The following TNFRSF8 variants were observed in gnomAD, a reference collection of about 807,000 sequenced individuals.
TNFRSF8 encodes TNF receptor superfamily member 8, also known as tumor necrosis factor receptor superfamily member 8.
Under a neutral mutation model 70.8 loss-of-function variants are expected in TNFRSF8, and 26 were observed. The ratio of observed to expected loss-of-function variants is 0.37; its 90% confidence interval spans 0.27 to 0.51. TNFRSF8 has a LOEUF of 0.51. TNFRSF8 is among the 20% of genes least tolerant of loss of function. TNFRSF8 has a pLI of 0.94. For missense variants in TNFRSF8, 720 were observed against 807.9 expected (o/e 0.89, Z 1.32); for synonymous variants, 356 against 339.2 (o/e 1.05, Z -0.54).
intron 1 of TNFRSF8, among the ~76,000 whole-genome samples, chr1:12,078,973 C>A (rs137895259): frequency 6.6e-6 from 1 of 152,276 alleles, no homozygotes; most frequent in Non-Finnish European, 1.5e-5. Flanking sequence ...GCTGCTGGCC[C>A]GGGGCCTCAC....
Position 12,132,364 on chromosome 1 carries a change from C to T in TNFRSF8, c.1310-3224C>T, listed in dbSNP as rs138731609. ...GCCTTAGGCTACTCTGGCCTGTGGC[C>T]GTTTCTCAGATCTTGTTTCTCAAGA... On this transcript the variant is annotated intron_variant, in intron 12 of 14. Coordinates refer to ENST00000263932, the MANE Select transcript of TNFRSF8 (RefSeq NM_001243.5). 3.2e-3 allele frequency among the ~76,000 whole-genome samples: 489 copies of T among 152,358 alleles called. 2 individuals carry two copies. The highest frequency in any genetic ancestry group is 0.011 in the African/African-American group (470 of 41,586).
chr1:12,108,844 A>C lies in TNFRSF8; in HGVS notation c.422-722A>C, dbSNP rs1273426503. On this transcript the variant is annotated intron_variant, in intron 4 of 14. Transcript: ENST00000263932. The surrounding 1 kb of genome is among the most constrained non-coding windows in gnomAD (Gnocchi z 4.0). ...ATAAATAAACAAGTAAATAAAATGG[A>C]CTTTCCTGGCACAGTTAGGACATAG... Among the ~76,000 whole-genome samples the C allele has an allele frequency of 1.3e-5, 2 of 151,970 alleles. No individual in the cohort carries two copies. The highest frequency in any genetic ancestry group is 1.3e-4 in the Admixed American group (2 of 15,244).
chr1:12,143,043 C>T lies in TNFRSF8; in HGVS notation c.*512C>T, dbSNP rs976699732. 2 of 155,392 alleles carry T rather than the reference C, an allele frequency of 1.3e-5. No homozygotes were observed. Among genetic ancestry groups the T allele is most frequent in the Non-Finnish European group, 2.9e-5 (2 of 70,000 alleles). The allele number at this position is 155,392 out of a possible 1,614,324, so 9.6% of individuals were successfully genotyped here. On this transcript the variant is annotated 3_prime_UTR_variant, in exon 15 of 15. Transcript: ENST00000263932. The surrounding 1 kb of genome is among the most constrained non-coding windows in gnomAD (Gnocchi z 4.1). ...GCCCCCAGTGGGCATGGAGCCAGTG[C>T]CTGTGGTTGTTTCTCCAGAGTCAAA...
chr1:12,082,362 A>G (rs1641079103), intron 1 of TNFRSF8, among the ~76,000 whole-genome samples: 1 of 152,106 alleles, frequency 6.6e-6, no homozygotes, highest in South Asian at 2.1e-4. Flanking sequence ...CTTGGGCAAC[A>G]TAGCAAGACC....
chr1:12,075,152 G>A (rs1177241042), intron 1 of TNFRSF8, among the ~76,000 whole-genome samples: 1 of 151,988 alleles, frequency 6.6e-6, no homozygotes, highest in Non-Finnish European at 1.5e-5. Context: ...GCTGAGGCAG[G>A]AGAATCGCTT....
intron 3 of TNFRSF8, among the ~76,000 whole-genome samples, chr1:12,097,863 T>G (rs1347498979): frequency 6.6e-6 from 1 of 152,162 alleles, no homozygotes; most frequent in African/African-American, 2.4e-5. Context: ...GTATTCTGTT[T>G]GTTGCGTATA....
chr1:12,117,633 A>G (rs1641757130), intron 8 of TNFRSF8, among the ~76,000 whole-genome samples: 1 of 152,134 alleles, frequency 6.6e-6, no homozygotes, highest in South Asian at 2.1e-4. Context: ...GGACATACTA[A>G]CACAGCAGAA....
Position 12,124,829 on chromosome 1 carries a change from C to CAAACAAAACAAAACAAAACAAAACA in TNFRSF8, c.1153+1030_1153+1054dup, listed in dbSNP as rs201195847. Among the ~76,000 whole-genome samples the CAAACAAAACAAAACAAAACAAAACA allele has an allele frequency of 5.4e-3, 792 of 146,028 alleles. 10 individuals carry two copies. The highest frequency in any genetic ancestry group is 8.5e-3 in the Non-Finnish European group (562 of 66,462). On this transcript the variant is annotated intron_variant, in intron 10 of 14. Coordinates refer to ENST00000263932, the MANE Select transcript of TNFRSF8 (RefSeq NM_001243.5). ...TGAGCAGCAGAATGAGAATCAGTCT[C>CAAACAAAACAAAACAAAACAAAACA]AAACAAAACAAAACAAAACAAAACA...
At position 12,123,820 on chromosome 1, in the gene TNFRSF8, G is replaced by A. The variant is rs1272961026; in HGVS notation, c.1146G>A (p.Leu382=). 2 of 1,564,726 alleles carry A rather than the reference G, an allele frequency of 1.3e-6. No individual in the cohort carries two copies. The highest frequency in any genetic ancestry group is 1.9e-5 in the Admixed American group (1 of 52,912). Residue 382 remains leucine, a synonymous_variant, in exon 10 of 15, where the codon CTG becomes CTA. Coordinates refer to ENST00000263932, the MANE Select transcript of TNFRSF8 (RefSeq NM_001243.5). ...TCTCCTCCACGGGGAAGCCCGTTCTGGATGCAGGTAATGGTCCCAGCCCAC... is the reference window on the plus strand; with the variant it reads ...TCTCCTCCACGGGGAAGCCCGTTCTAGATGCAGGTAATGGTCCCAGCCCAC... ...VALSSTGKPV[L]DAGPVLFWVI...
intron 13 of TNFRSF8, among the ~76,000 whole-genome samples, chr1:12,137,840 C>A (rs1045179430): frequency 1.3e-5 from 2 of 152,098 alleles, no homozygotes; most frequent in East Asian, 1.9e-4. Flanking sequence ...AATCCTAGCT[C>A]AGATACTTAT....
At chr1:12,067,504 C>T (rs1010008331) in intron 1 of TNFRSF8, among the ~76,000 whole-genome samples, 16 of 152,204 alleles carry the variant, frequency 1.1e-4, no homozygotes, top group South Asian at 2.1e-4. Context: ...GCCTGGTCAA[C>T]GTGGTGAGAC....
At chr1:12,067,772 T>A (rs1312065795) in intron 1 of TNFRSF8, among the ~76,000 whole-genome samples, 2 of 152,054 alleles carry the variant, frequency 1.3e-5, no homozygotes, top group Non-Finnish European at 2.9e-5. Flanking sequence ...AGTTACTCCA[T>A]ACAGTGTAGT....
intron 13 of TNFRSF8, among the ~76,000 whole-genome samples, chr1:12,136,028 C>G (rs537006981): frequency 6.6e-6 from 1 of 152,028 alleles, no homozygotes; most frequent in Non-Finnish European, 1.5e-5. Flanking sequence ...TGAATCTCAT[C>G]CTCCAAGCTG....
chr1:12,118,286 T>G (rs935617247), intron 8 of TNFRSF8, among the ~76,000 whole-genome samples: 3 of 152,038 alleles, frequency 2.0e-5, no homozygotes, highest in Admixed American at 1.3e-4. Flanking sequence ...AATTTTTGTA[T>G]TTTTAGTAGA....
intron 14 of TNFRSF8, among the ~76,000 whole-genome samples, chr1:12,139,067 G>A (rs1557608739): frequency 7.1e-6 from 1 of 141,042 alleles, no homozygotes; most frequent in Non-Finnish European, 1.5e-5. Flanking sequence ...GACAGACATT[G>A]GCTTTGGCCT....
chr1:12,125,973 C>G lies in TNFRSF8; in HGVS notation c.1176C>G (p.Ile392Met). The G allele has an allele frequency of 6.2e-7, 1 of 1,614,108 alleles. No individual in the cohort carries two copies. Among genetic ancestry groups the G allele is most frequent in the East Asian group, 2.2e-5 (1 of 44,878 alleles). ...LDAGPVLFWV[I>M]LVLVVVVGSS... is the part of the protein sequence containing the mutation. ...CAGGGCCAGTGCTCTTCTGGGTGATCCTGGTGTTGGTTGTGGTGGTCGGCT... is the reference window on the plus strand; with the variant it reads ...CAGGGCCAGTGCTCTTCTGGGTGATGCTGGTGTTGGTTGTGGTGGTCGGCT... The change falls in exon 11 of 15, where the codon ATC becomes ATG. Residue 392 changes from isoleucine to methionine, a missense_variant. Coordinates refer to ENST00000263932, the MANE Select transcript of TNFRSF8 (RefSeq NM_001243.5).
chr1:12,064,048 G>A (rs959127898), intron 1 of TNFRSF8, among the ~76,000 whole-genome samples: 3 of 152,218 alleles, frequency 2.0e-5, no homozygotes, highest in Non-Finnish European at 4.4e-5. Flanking sequence ...TTAGCCATGG[G>A]AGGTTGGTCG....
chr1:12,077,533 C>G (rs1640987343), intron 1 of TNFRSF8, among the ~76,000 whole-genome samples: 2 of 152,210 alleles, frequency 1.3e-5, no homozygotes, highest in East Asian at 3.8e-4. Context: ...AGTCCTACAA[C>G]CACAAGGAAC....
chr1:12,095,384 T>C (rs957913091), intron 2 of TNFRSF8, among the ~76,000 whole-genome samples: 1 of 150,990 alleles, frequency 6.6e-6, no homozygotes, highest in African/African-American at 2.4e-5. Flanking sequence ...GCCTCCCGGG[T>C]TCAAGTGATT....
Sources: allele counts gnomAD v4.1 joint callset (sites outside exome capture counted in the v4.1 genomes callset), GRCh38; gene constraint gnomAD v4.1.1; non-coding constraint Gnocchi (gnomAD v3.1); transcripts MANE v1.5; gene names NCBI Gene and HGNC (gene_info 2026-07-23, HGNC 2026-07-21).